The following GABBR2 variants were observed in gnomAD, a reference collection of about 807,000 sequenced individuals.
GABBR2 encodes G-protein coupled receptor 51.
Under a neutral mutation model 105.6 loss-of-function variants are expected in GABBR2, and 23 were observed. The ratio of observed to expected loss-of-function variants is 0.22; its 90% CI spans 0.16 to 0.31. GABBR2 has a LOEUF of 0.31. Among genes scored for constraint, GABBR2 ranks in the 10% least tolerant of loss-of-function variants. The pLI, the probability that GABBR2 is intolerant of heterozygous loss-of-function variation, is 1.00. For synonymous variants in GABBR2, 478 were observed against 499.7 expected (o/e 0.96, Z 0.58); for missense variants, 734 against 1,245.5 (o/e 0.59, Z 6.18).
At chr9:98,560,482 TAC>T (rs750235644) in intron 2 of GABBR2, among the ~76,000 whole-genome samples, 25 of 130,582 alleles carry the variant, frequency 1.9e-4, no homozygotes, top group South Asian at 2.5e-4. Flanking sequence ...CACACACATA[TAC>T]ACACACACAC....
At chr9:98,621,473 T>G (rs1322575800) in intron 1 of GABBR2, among the ~76,000 whole-genome samples, 2 of 152,146 alleles carry the variant, frequency 1.3e-5, no homozygotes, top group Non-Finnish European at 2.9e-5. Flanking sequence ...GGAATATGAT[T>G]CCTCCACCTC....
chr9:98,312,950 A>G (rs1455539558), intron 13 of GABBR2, among the ~76,000 whole-genome samples: 1 of 152,092 alleles, frequency 6.6e-6, no homozygotes, highest in Admixed American at 6.5e-5. Context: ...GGGTTTCACC[A>G]TGCTGGCCAG....
chr9:98,573,990 T>C (rs544120801), intron 2 of GABBR2, among the ~76,000 whole-genome samples: 1 of 152,322 alleles, frequency 6.6e-6, no homozygotes, highest in East Asian at 1.9e-4. Context: ...ATTAATTTAC[T>C]TTTTGAGCGG....
chr9:98,360,969 C>T (rs1056067510), intron 13 of GABBR2, among the ~76,000 whole-genome samples: 1 of 152,192 alleles, frequency 6.6e-6, no homozygotes, highest in African/African-American at 2.4e-5. Context: ...TGGTCCAGCT[C>T]CAGGCCTTCC....
chr9:98,410,678 C>A (rs1489593046), intron 7 of GABBR2, among the ~76,000 whole-genome samples: 1 of 151,902 alleles, frequency 6.6e-6, no homozygotes, highest in African/African-American at 2.4e-5. Flanking sequence ...GCAGAAACAG[C>A]AGCAGCAGGA....
chr9:98,619,260 A>AC (rs1829635175), intron 1 of GABBR2, among the ~76,000 whole-genome samples: 1 of 151,550 alleles, frequency 6.6e-6, no homozygotes, highest in Non-Finnish European at 1.5e-5. Flanking sequence ...TAAAATTTTA[A>AC]CCCCCCACCC....
Position 98,490,739 on chromosome 9 carries a change from A to G in GABBR2, c.732+5674T>C, listed in dbSNP as rs1239585546. ...GCATGAAGCAACTGAAATGTCCAGA[A>G]AGGGAAATGTGACACCTGGAACTCT... On this transcript the variant is annotated intron_variant, in intron 4 of 18. Coordinates refer to ENST00000259455, the MANE Select transcript of GABBR2 (RefSeq NM_005458.8). Among the ~76,000 whole-genome samples, 4 of 152,264 alleles carry G rather than the reference A, an allele frequency of 2.6e-5. No individual in the cohort carries two copies. In the South Asian group the frequency reaches 6.2e-4, roughly 24 times the overall value.
rs1395877099 is a variant in GABBR2, at chr9:98,586,001, G to T, written c.322-7929C>A. Among the ~76,000 whole-genome samples, 2 of 147,612 alleles carry T rather than the reference G, an allele frequency of 1.4e-5. 1 individual carries two copies. Among genetic ancestry groups the T allele is most frequent in the Non-Finnish European group, 3.0e-5 (2 of 66,584 alleles). On this transcript the variant is annotated intron_variant, in intron 1 of 18. Coordinates refer to ENST00000259455, the MANE Select transcript of GABBR2 (RefSeq NM_005458.8). ...CTGTTATTTCCCTTTTACAGATAAGGAATTTGAGGCTCAGAAATAATAACT... is the reference window on the plus strand; with the variant it reads ...CTGTTATTTCCCTTTTACAGATAAGTAATTTGAGGCTCAGAAATAATAACT...
At chr9:98,666,193 G>C (rs1294857327) in intron 1 of GABBR2, among the ~76,000 whole-genome samples, 1 of 152,218 alleles carries the variant, frequency 6.6e-6, no homozygotes, top group Non-Finnish European at 1.5e-5. Context: ...CCAGCCTGGA[G>C]ATGATCCCCT....
chr9:98,320,106 A>G (rs1336078303), intron 13 of GABBR2, among the ~76,000 whole-genome samples: 2 of 152,058 alleles, frequency 1.3e-5, no homozygotes, highest in African/African-American at 2.4e-5. Flanking sequence ...TCCAGAATCT[A>G]CAATGAACTC....
At chr9:98,631,425 G>C (rs1417416530) in intron 1 of GABBR2, among the ~76,000 whole-genome samples, 1 of 152,172 alleles carries the variant, frequency 6.6e-6, no homozygotes, top group East Asian at 1.9e-4. Flanking sequence ...CATTTATTGA[G>C]GGTCTGCTAT....
At chr9:98,629,579 C>A (rs1037582079) in intron 1 of GABBR2, among the ~76,000 whole-genome samples, 1 of 152,218 alleles carries the variant, frequency 6.6e-6, no homozygotes, top group Non-Finnish European at 1.5e-5. Flanking sequence ...GCATTCAACT[C>A]CTTCTTACAT....
At position 98,541,864 on chromosome 9, in the gene GABBR2, C is replaced by T. The variant is rs539049663; in HGVS notation, c.630+9G>A. On this transcript the variant is annotated intron_variant, in intron 3 of 18. Transcript: ENST00000259455. ...TAAGGCAGGCCGTGTCCACACAAGC[C>T]GAGCGTACCTCAGAGAACCTCTGAA... The T allele has an allele frequency of 2.5e-6, 4 of 1,613,532 alleles. No homozygotes were observed. The East Asian group carries it at 6.7e-5, about 27-fold the overall frequency.
intron 3 of GABBR2, among the ~76,000 whole-genome samples, chr9:98,539,284 C>T (rs531261004): frequency 6.6e-6 from 1 of 152,332 alleles, no homozygotes; most frequent in Admixed American, 6.5e-5. Flanking sequence ...ATCTATAAGG[C>T]ACACAACCAA....
At position 98,673,386 on chromosome 9, in the gene GABBR2, A is replaced by G. The variant is rs1830431048; in HGVS notation, c.321+35031T>C. Among the ~76,000 whole-genome samples the G allele has an allele frequency of 3.9e-5, 6 of 152,358 alleles. No individual in the cohort carries two copies. In the South Asian group the frequency reaches 1.2e-3, roughly 32 times the overall value. Reference sequence around the variant, plus strand: ...GGGGAAAATGCTACATGTGCAGAGGACAACTAATGAGGACTGAGATGAAGA... The same window carrying G: ...GGGGAAAATGCTACATGTGCAGAGGGCAACTAATGAGGACTGAGATGAAGA... On this transcript the variant is annotated intron_variant, in intron 1 of 18. Coordinates refer to ENST00000259455, the MANE Select transcript of GABBR2 (RefSeq NM_005458.8).
chr9:98,583,288 C>T (rs1323324505), intron 1 of GABBR2, among the ~76,000 whole-genome samples: 1 of 152,208 alleles, frequency 6.6e-6, no homozygotes, highest in Non-Finnish European at 1.5e-5. Flanking sequence ...ATTCGCGTCC[C>T]AAATAGATGG....
At chr9:98,640,445 T>C (rs1175335754) in intron 1 of GABBR2, among the ~76,000 whole-genome samples, 1 of 152,120 alleles carries the variant, frequency 6.6e-6, no homozygotes, top group Non-Finnish European at 1.5e-5. Context: ...TGGCAAGGCA[T>C]AGTGCAAATA....
At chr9:98,573,094 C>T (rs556260708) in intron 2 of GABBR2, among the ~76,000 whole-genome samples, 1 of 152,258 alleles carries the variant, frequency 6.6e-6, no homozygotes, top group South Asian at 2.1e-4. Context: ...GCATCTCAGG[C>T]CCCTCCGTCC....
At chr9:98,670,725 G>A (rs1233520401) in intron 1 of GABBR2, among the ~76,000 whole-genome samples, 1 of 152,180 alleles carries the variant, frequency 6.6e-6, no homozygotes, top group East Asian at 1.9e-4. Context: ...AAAGAAGTCA[G>A]TCACAAAAAG....
Sources: gnomAD v4.1 joint callset for allele counts (sites outside exome capture counted in the v4.1 genomes callset) on GRCh38, gnomAD v4.1.1 for gene constraint, MANE v1.5 for transcripts, NCBI Gene and HGNC (gene_info 2026-07-23, HGNC 2026-07-21) for gene names.